The following ACSBG1 variants were observed in gnomAD, a reference collection of about 807,000 sequenced individuals.
The protein encoded by ACSBG1 is acyl-CoA synthetase bubblegum family member 1.
In ACSBG1, 39 loss-of-function variants were observed where a neutral mutation model predicts 80.2. That is an observed-to-expected ratio of 0.49 (90% CI 0.38 to 0.64). ACSBG1 has a LOEUF of 0.64. Ranked by LOEUF, ACSBG1 falls within the 30% of genes least tolerant of loss-of-function variation. The pLI, the probability that ACSBG1 is intolerant of heterozygous loss-of-function variation, is 0.00. For missense variants in ACSBG1, 828 were observed against 966.4 expected (o/e 0.86, Z 1.90); for synonymous variants, 392 against 379.5 (o/e 1.03, Z -0.38).
intron 1 of ACSBG1, among the ~76,000 whole-genome samples, chr15:78,230,369 C>T (rs1046556242): frequency 5.3e-5 from 8 of 152,354 alleles, no homozygotes; most frequent in African/African-American, 1.9e-4. Flanking sequence ...TGCAAGCCCT[C>T]CTCGGGCTCT....
rs539743362 is a variant in ACSBG1, at chr15:78,171,504, G to A, written c.2115C>T (p.Leu705=). The A allele has an allele frequency of 6.2e-7, 1 of 1,614,118 alleles. No individual in the cohort carries two copies. Among genetic ancestry groups the A allele is most frequent in the Non-Finnish European group, 8.5e-7 (1 of 1,179,992 alleles). The change falls in exon 14 of 14, where the codon CTC becomes CTT. Residue 705 remains leucine (L), a synonymous_variant. Coordinates refer to ENST00000258873, the MANE Select transcript of ACSBG1 (RefSeq NM_015162.5). ...ELGPTMKLKR[L]TVLEKYKGII... is the part of the protein sequence containing the mutation. ...TACCTTTGTACTTCTCCAAAACTGT[G>A]AGCCGTTTCAGTTTCATCGTGGGAC...
At chr15:78,206,101 T>C (rs1007446111) in intron 2 of ACSBG1, among the ~76,000 whole-genome samples, 5 of 152,158 alleles carry the variant, frequency 3.3e-5, no homozygotes, top group Non-Finnish European at 5.9e-5. Context: ...TGGGAGCCCA[T>C]GATGCCTGCT....
In ACSBG1 at chr15:78,168,192, C is replaced by CAGG. The variant is rs2074771725; in HGVS notation, c.*3249_*3251dup. On this transcript the variant is annotated 3_prime_UTR_variant, in exon 14 of 14. Transcript: ENST00000258873. ...CTGTAGTTGCAGCTATAGGCTGAGG[C>CAGG]AGGAGGATCACCTTAGCCTCTGAGT... 6.6e-6 allele frequency: 1 copy of CAGG among 151,142 alleles called. No homozygotes were observed. The highest frequency in any genetic ancestry group is 1.5e-5 in the Non-Finnish European group (1 of 67,926). The allele number at this position is 151,142 out of a possible 1,614,324, so 9.4% of individuals were successfully genotyped here.
chr15:78,217,972 G>A lies in ACSBG1; in HGVS notation c.132-9870C>T, dbSNP rs148880459. Reference sequence around the variant, plus strand: ...AGAGAACGGCCAGCTGGTGGTTTTGGTTACCACAGGAAGGGCAGTGCGATG... The same window carrying A: ...AGAGAACGGCCAGCTGGTGGTTTTGATTACCACAGGAAGGGCAGTGCGATG... On this transcript the variant is annotated intron_variant, in intron 1 of 13. Transcript: ENST00000258873. 4.5e-4 allele frequency among the ~76,000 whole-genome samples: 69 copies of A among 152,274 alleles called. No homozygotes were observed. In the East Asian group the frequency reaches 8.1e-3, roughly 18 times the overall value.
At chr15:78,181,188 A>G (rs1196350631) in intron 8 of ACSBG1, 2 of 487,442 alleles carry the variant, frequency 4.1e-6, no homozygotes, top group Non-Finnish European at 7.2e-6. Flanking sequence ...GAGCATGGCA[A>G]CTCTCCATGA....
chr15:78,227,326 G>A (rs1231310530), intron 1 of ACSBG1, among the ~76,000 whole-genome samples: 1 of 145,534 alleles, frequency 6.9e-6, no homozygotes, highest in Non-Finnish European at 1.5e-5. Context: ...AATATAACCA[G>A]AATATATAAA....
chr15:78,215,776 A>AAGAAAGAAAGAAAGAAAG (rs2075306864), intron 1 of ACSBG1, among the ~76,000 whole-genome samples: 3 of 144,012 alleles, frequency 2.1e-5, no homozygotes, highest in African/African-American at 7.9e-5. Context: ...GAAAGAAAGA[A>AAGAAAGAAAGAAAGAAAG]AGAAAGAAAG....
intron 2 of ACSBG1, among the ~76,000 whole-genome samples, chr15:78,204,486 G>A (rs1463401798): frequency 1.3e-5 from 2 of 152,200 alleles, no homozygotes; most frequent in Non-Finnish European, 2.9e-5. Flanking sequence ...CAGGGTCCTA[G>A]GAGGGGACAC....
intron 1 of ACSBG1, among the ~76,000 whole-genome samples, chr15:78,209,707 T>C (rs1473571000): frequency 6.6e-6 from 1 of 152,150 alleles, no homozygotes; most frequent in African/African-American, 2.4e-5. Context: ...GTGAACTTGG[T>C]TGATGTCCCT....
chr15:78,224,228 G>C (rs2075382168), intron 1 of ACSBG1, among the ~76,000 whole-genome samples: 1 of 147,242 alleles, frequency 6.8e-6, no homozygotes, highest in Non-Finnish European at 1.5e-5. Flanking sequence ...TGTTACCCTG[G>C]CTGACATCTG....
At position 78,214,438 on chromosome 15, in the gene ACSBG1, AATTATT is replaced by A. The variant is rs138476295; in HGVS notation, c.132-6342_132-6337del. On this transcript the variant is annotated intron_variant, in intron 1 of 13. Transcript: ENST00000258873. The stretch of plus-strand genomic sequence containing the variant: ...GTGTTAGGTGGAAATTTTAAGCCCT[AATTATT>A]ATTATTATCTTTTGAGACAAAGTCT... Among the ~76,000 whole-genome samples the A allele has an allele frequency of 9.9e-4, 151 of 152,022 alleles. 3 individuals are homozygous for A. The East Asian group carries it at 0.019, about 19-fold the overall frequency.
intron 1 of ACSBG1, among the ~76,000 whole-genome samples, chr15:78,226,785 A>AAAAT (rs1555434847): frequency 1.7e-4 from 13 of 78,450 alleles, no homozygotes; most frequent in African/African-American, 5.8e-4. Context: ...CACATAGAAA[A>AAAAT]ATATATATAT....
Position 78,180,814 on chromosome 15 carries a change from T to G in ACSBG1, c.1194A>C (p.Arg398=). The change falls in exon 9 of 14, where the codon CGA becomes CGC. Residue 398 remains arginine (R), a synonymous_variant. Coordinates refer to ENST00000258873, the MANE Select transcript of ACSBG1 (RefSeq NM_015162.5). The part of the protein sequence containing the change: ...EVAAQSGFIR[R]KMLLWAMSVT... ...CCGACATGGCCCACAGCAGCATCTT[T>G]CGCCGGATGAAGCCAGACTGAGCCG... The G allele has an allele frequency of 6.2e-7, 1 of 1,614,220 alleles. No individual in the cohort carries two copies. Among genetic ancestry groups the G allele is most frequent in the Non-Finnish European group, 8.5e-7 (1 of 1,180,042 alleles).
At chr15:78,182,937 C>T in intron 5 of ACSBG1, 152 bp from the exon 6 acceptor site, 1 of 740,090 alleles carries the variant, frequency 1.4e-6, no homozygotes, top group Non-Finnish European at 2.3e-6. Context: ...CCACCCTTCA[C>T]CCATAGTTTC....
intron 1 of ACSBG1, among the ~76,000 whole-genome samples, chr15:78,210,574 G>A (rs1172840136): frequency 6.6e-6 from 1 of 152,172 alleles, no homozygotes; most frequent in Admixed American, 6.5e-5. Flanking sequence ...ACTCGTTGTT[G>A]TTCGTAATGG....
At chr15:78,205,051 T>C (rs574856445) in intron 2 of ACSBG1, among the ~76,000 whole-genome samples, 2 of 151,890 alleles carry the variant, frequency 1.3e-5, no homozygotes, top group East Asian at 3.9e-4. Flanking sequence ...CCTCCAGCAG[T>C]TTCATCCCCA....
rs186455281 is a variant in ACSBG1, at chr15:78,231,650, T to C, written c.131+2721A>G. Among the ~76,000 whole-genome samples, 591 of 152,148 alleles carry C rather than the reference T, an allele frequency of 3.9e-3. 5 individuals carry two copies. The highest frequency in any genetic ancestry group is 0.038 in the Middle Eastern group (11 of 292). ...CCCTGTAGTCCAGGCTAGAGTACAG[T>C]GGTTAATAGCTCATTGCAGCCTCAC... On this transcript the variant is annotated intron_variant, in intron 1 of 13. Transcript: ENST00000258873.
intron 3 of ACSBG1, 73 bp from the exon 4 acceptor site, chr15:78,194,093 C>A (rs1385954764): frequency 2.7e-6 from 4 of 1,456,658 alleles, no homozygotes; most frequent in Non-Finnish European, 3.8e-6. Context: ...TCAGAGCCCC[C>A]ACCCAGACTG....
At chr15:78,216,712 C>A (rs998431843) in intron 1 of ACSBG1, among the ~76,000 whole-genome samples, 3 of 152,262 alleles carry the variant, frequency 2.0e-5, no homozygotes, top group Middle Eastern at 3.4e-3. Flanking sequence ...AGGCCTCAAC[C>A]CCCAAGGCTC....
Sources: allele counts gnomAD v4.1 joint callset (sites outside exome capture counted in the v4.1 genomes callset), GRCh38; gene constraint gnomAD v4.1.1; transcripts MANE v1.5; gene names NCBI Gene and HGNC (gene_info 2026-07-23, HGNC 2026-07-21).